The following FOXN3 variants were observed in gnomAD, a reference collection of about 807,000 sequenced individuals.
FOXN3 encodes forkhead box protein N3.
Under a neutral mutation model 38.4 loss-of-function variants are expected in FOXN3, and 7 were observed. The ratio of observed to expected loss-of-function variants is 0.18; its 90% CI spans 0.10 to 0.34. FOXN3 has a LOEUF of 0.34. Among genes scored for constraint, FOXN3 ranks in the 10% least tolerant of loss-of-function variants. The pLI, the probability that FOXN3 is intolerant of heterozygous loss-of-function variation, is 1.00. For missense variants in FOXN3, 456 were observed against 613.4 expected (o/e 0.74, Z 2.71); for synonymous variants, 230 against 242.2 (o/e 0.95, Z 0.47).
intron 1 of FOXN3, among the ~76,000 whole-genome samples, chr14:89,492,743 C>A (rs1307676133): frequency 1.3e-5 from 2 of 152,160 alleles, no homozygotes; most frequent in African/African-American, 2.4e-5. Context: ...AAAACAACCC[C>A]CATAGAAGAC....
At chr14:89,201,730 T>C (rs1888240527) in intron 4 of FOXN3, among the ~76,000 whole-genome samples, 1 of 152,168 alleles carries the variant, frequency 6.6e-6, no homozygotes, top group Non-Finnish European at 1.5e-5. Flanking sequence ...TATAAGGTCA[T>C]CTTCCCCAGT....
upstream of FOXN3, among the ~76,000 whole-genome samples, chr14:89,420,106 C>T (rs905574794): frequency 5.9e-5 from 9 of 152,192 alleles, no homozygotes; most frequent in African/African-American, 2.2e-4. Context: ...GGTGACTCCA[C>T]TCTCTACCCT....
intron 2 of FOXN3, among the ~76,000 whole-genome samples, chr14:89,373,124 C>T (rs1890370787): frequency 6.6e-6 from 1 of 152,012 alleles, no homozygotes; most frequent in Non-Finnish European, 1.5e-5. Context: ...CATGACTGCA[C>T]CACTGCACTC....
intron 1 of FOXN3, among the ~76,000 whole-genome samples, chr14:89,453,910 G>A (rs1311380337): frequency 6.6e-6 from 1 of 152,186 alleles, no homozygotes; most frequent in Non-Finnish European, 1.5e-5. Context: ...AATCCCCAAT[G>A]TGAGATGATT....
intron 2 of FOXN3, among the ~76,000 whole-genome samples, chr14:89,362,021 CCACTACCACCTCCAG>C (rs1294394329): frequency 3.2e-4 from 4 of 12,498 alleles, no homozygotes; most frequent in Non-Finnish European, 5.2e-4. Flanking sequence ...ACCACCTCCA[CCACTACCACCTCCAG>C]CACCACCACC....
chr14:89,382,244 C>G (rs567747160), intron 2 of FOXN3, among the ~76,000 whole-genome samples: 41 of 152,268 alleles, frequency 2.7e-4, no homozygotes, highest in Non-Finnish European at 5.4e-4. Flanking sequence ...GTACACCTTG[C>G]TGCCAACCTA....
At chr14:89,556,813 TG>T (rs1402925657) in intron 1 of FOXN3, among the ~76,000 whole-genome samples, 1 of 152,168 alleles carries the variant, frequency 6.6e-6, no homozygotes, top group East Asian at 1.9e-4. Flanking sequence ...AGAGAAGGGC[TG>T]TGGAATGGAA....
chr14:89,538,253 T>C (rs766674296), intron 1 of FOXN3, among the ~76,000 whole-genome samples: 1 of 152,142 alleles, frequency 6.6e-6, no homozygotes, highest in Non-Finnish European at 1.5e-5. Flanking sequence ...CACTATAAGG[T>C]CACAAAGATG....
intron 4 of FOXN3, among the ~76,000 whole-genome samples, chr14:89,228,345 G>A (rs1393741701): frequency 1.3e-5 from 2 of 152,144 alleles, no homozygotes; most frequent in African/African-American, 4.8e-5. Context: ...TCCACGTTCT[G>A]GGTTATGAAC....
chr14:89,511,259 C>CTTTCT (rs1566681342), intron 1 of FOXN3, among the ~76,000 whole-genome samples: 4 of 31,858 alleles, frequency 1.3e-4, no homozygotes, highest in African/African-American at 4.0e-4. Flanking sequence ...TTCTTTCTTT[C>CTTTCT]TTTCTTTCTT....
chr14:89,489,280 G>T (rs1893522100), intron 1 of FOXN3, among the ~76,000 whole-genome samples: 1 of 152,174 alleles, frequency 6.6e-6, no homozygotes, highest in South Asian at 2.1e-4. Flanking sequence ...TGAAGTTGCT[G>T]TGAAAATTAT....
rs537693136 is a variant in FOXN3 at position 89,426,935 on chromosome 14, G to A, written c.-14-14445C>T. Among the ~76,000 whole-genome samples the A allele has an allele frequency of 6.6e-5, 10 of 151,734 alleles. No individual in the cohort carries two copies. In the South Asian group the frequency reaches 1.9e-3, roughly 28 times the overall value. ...ACAAGGGAGACAAAATTGTGACCGA[G>A]AAATAGAAGAGGAGGGCCGGGCGCG... On this transcript the variant is annotated intron_variant, in intron 1 of 6. Coordinates refer to the FOXN3 transcript ENST00000345097.
intron 2 of FOXN3, among the ~76,000 whole-genome samples, chr14:89,393,642 C>T (rs565795809): frequency 6.6e-5 from 10 of 152,284 alleles, no homozygotes; most frequent in African/African-American, 1.2e-4. Flanking sequence ...AAACTGTGCA[C>T]GCCACACACT....
intron 2 of FOXN3, among the ~76,000 whole-genome samples, chr14:89,373,345 G>T (rs949866312): frequency 6.6e-6 from 1 of 151,756 alleles, no homozygotes; most frequent in Non-Finnish European, 1.5e-5. Flanking sequence ...TCTATAGTGG[G>T]GTGCTGGTTA....
chr14:89,373,119 C>T (rs997354045), intron 2 of FOXN3, among the ~76,000 whole-genome samples: 13 of 152,094 alleles, frequency 8.5e-5, no homozygotes, highest in African/African-American at 3.1e-4. Flanking sequence ...TGAGCCATGA[C>T]TGCACCACTG....
intron 3 of FOXN3, 91 bp from the exon 4 acceptor site, chr14:89,281,105 C>T: frequency 1.7e-6 from 2 of 1,151,700 alleles, no homozygotes; most frequent in Non-Finnish European, 2.6e-6. Context: ...AACATTTCCC[C>T]AAGTATGCAT....
chr14:89,169,655 A>G (rs559210756), intron 5 of FOXN3, among the ~76,000 whole-genome samples: 91 of 152,312 alleles, frequency 6.0e-4, no homozygotes, highest in African/African-American at 2.1e-3. Context: ...AGAGCCCTGT[A>G]TTGATCAGAA....
At chr14:89,440,223 G>T (rs1892352728) in intron 1 of FOXN3, among the ~76,000 whole-genome samples, 1 of 152,114 alleles carries the variant, frequency 6.6e-6, no homozygotes, top group Non-Finnish European at 1.5e-5. Flanking sequence ...GGCAAGAAAA[G>T]GAAAAGACCA....
chr14:89,463,622 A>G (rs906167683), intron 1 of FOXN3, among the ~76,000 whole-genome samples: 3 of 152,108 alleles, frequency 2.0e-5, no homozygotes, highest in Non-Finnish European at 4.4e-5. Flanking sequence ...CCTCCATTCC[A>G]CAAAAGCATC....
Sources: allele counts gnomAD v4.1 joint callset (sites outside exome capture counted in the v4.1 genomes callset), GRCh38; gene constraint gnomAD v4.1.1; transcripts MANE v1.5; gene names NCBI Gene and HGNC (gene_info 2026-07-23, HGNC 2026-07-21).